The following ARHGAP23 variants were observed in gnomAD, a reference collection of about 807,000 sequenced individuals.
ARHGAP23 encodes the protein rho GTPase-activating protein 23.
A neutral mutation model predicts 136.3 loss-of-function variants in ARHGAP23; 34 were observed. That is an observed-to-expected ratio of 0.25 (90% CI 0.19 to 0.33). The LOEUF is 0.33. Among genes scored for constraint, ARHGAP23 ranks in the 10% least tolerant of loss-of-function variants. The probability of loss-of-function intolerance (pLI) is 1.00; values close to 1 mark genes in which losing one functional copy is unlikely to be tolerated. For missense variants in ARHGAP23, 1,808 were observed against 2,139.0 expected, an observed-to-expected ratio of 0.85 and a Z score of 3.05; for synonymous variants, 832 against 920.5, an observed-to-expected ratio of 0.90 and a Z score of 1.74.
intron 10 of ARHGAP23, 23 bp downstream of exon 10, chr17:38,469,927 C>G (rs376454137): frequency 1.3e-6 from 2 of 1,551,240 alleles, no homozygotes; most frequent in Non-Finnish European, 1.7e-6. Flanking sequence ...AGTGTGTGTG[C>G]GTGCGCAGGA....
chr17:38,512,239 T>C lies in ARHGAP23; in HGVS notation c.*1267T>C, dbSNP rs2040778208. 6.6e-6 allele frequency: 1 copy of C among 152,248 alleles called. No individual in the cohort carries two copies. The highest frequency in any genetic ancestry group is 2.4e-5 in the African/African-American group (1 of 41,468). 9.4% of individuals were successfully genotyped at this position (152,248 alleles called of 1,614,324 possible). A position where few individuals can be genotyped will look rare whatever the true frequency, so the allele number is the denominator to read the frequency against. On this transcript the variant is annotated 3_prime_UTR_variant, in exon 24 of 24. Transcript: ENST00000622683. ...ATTTACAAAAGTGTTGTAACAGTGT[T>C]GGACAAAGCCTTCCACCCCATGTCC...
At chr17:38,451,728 T>C (rs2039172221) in intron 1 of ARHGAP23, 7 of 152,280 alleles carry the variant, frequency 4.6e-5, no homozygotes, top group Admixed American at 1.3e-4. Context: ...ATCTTGATGG[T>C]GGTTCCAGCT....
At chr17:38,469,406 C>T in intron 8 of ARHGAP23, 107 bp downstream of exon 8, 1 of 1,467,586 alleles carries the variant, frequency 6.8e-7, no homozygotes, top group South Asian at 1.4e-5. Context: ...CTGGTTTCCG[C>T]TTCTCCTGCG....
intron 1 of ARHGAP23, among the ~76,000 whole-genome samples, chr17:38,432,200 C>A (rs1176631971): frequency 1.3e-5 from 2 of 152,184 alleles, no homozygotes; most frequent in Non-Finnish European, 2.9e-5. Flanking sequence ...ATAGTGCTTA[C>A]CACTATGTTG....
chr17:38,431,140 C>G lies in ARHGAP23; in HGVS notation c.63+2592C>G, dbSNP rs114541091. 2.7e-3 allele frequency among the ~76,000 whole-genome samples: 418 copies of G among 152,302 alleles called. 2 individuals are homozygous for G. Among genetic ancestry groups the G allele is most frequent in the African/African-American group, 9.7e-3 (403 of 41,562 alleles). On this transcript the variant is annotated intron_variant, in intron 1 of 23. Transcript: ENST00000622683. ...TCTGGCTTCTCAGGACCTGCTATGT[C>G]CCGCTGTCACTCCCACCCCAAATCC...
chr17:38,427,913 T>C (rs113767048), upstream of ARHGAP23, among the ~76,000 whole-genome samples: 3,571 of 152,250 alleles, frequency 0.023, 59 homozygotes, highest in Middle Eastern at 0.041. Context: ...GAAGGGGGCC[T>C]CTAAGCCTTT....
At chr17:38,476,333 A>G (rs1349881443) in intron 11 of ARHGAP23, among the ~76,000 whole-genome samples, 1 of 152,128 alleles carries the variant, frequency 6.6e-6, no homozygotes, top group Non-Finnish European at 1.5e-5. Flanking sequence ...TTGGAGGCAG[A>G]ATAGTTGTGA....
At chr17:38,472,298 G>A (rs1220969533) in intron 11 of ARHGAP23, among the ~76,000 whole-genome samples, 1 of 152,210 alleles carries the variant, frequency 6.6e-6, no homozygotes, top group Non-Finnish European at 1.5e-5. Flanking sequence ...CCATCCTGAA[G>A]ATGGCCGCTG....
chr17:38,500,947 G>A (rs2040505211), intron 23 of ARHGAP23: 1 of 362,738 alleles, frequency 2.8e-6, no homozygotes, highest in Admixed American at 4.4e-5. Flanking sequence ...CCATTTAGTA[G>A]TTTGGGACAT....
At chr17:38,450,397 C>CT (rs1261582839) in intron 1 of ARHGAP23, 1 of 152,092 alleles carries the variant, frequency 6.6e-6, no homozygotes, top group Non-Finnish European at 1.5e-5. Context: ...GCCTCAGTTT[C>CT]TTTTTTAAAT....
chr17:38,489,470 C>T (rs1489010278), intron 17 of ARHGAP23, among the ~76,000 whole-genome samples: 1 of 148,938 alleles, frequency 6.7e-6, no homozygotes, highest in African/African-American at 2.5e-5. Context: ...ATCCATATGG[C>T]CCGCTTCCCC....
At chr17:38,450,804 T>G (rs1280919488) in intron 1 of ARHGAP23, 1 of 152,236 alleles carries the variant, frequency 6.6e-6, no homozygotes, top group Non-Finnish European at 1.5e-5. Flanking sequence ...TGCTTTCAAA[T>G]GGTAAAAGAC....
At chr17:38,461,424 C>T (rs2039458333) in intron 3 of ARHGAP23, among the ~76,000 whole-genome samples, 1 of 152,218 alleles carries the variant, frequency 6.6e-6, no homozygotes, top group African/African-American at 2.4e-5. Context: ...TGCTGTGGCT[C>T]TTGCTCCCCA....
upstream of ARHGAP23, chr17:38,428,375 CGG>C (rs769359302): frequency 1.5e-3 from 479 of 322,972 alleles, 1 homozygote; most frequent in Middle Eastern, 0.017. Context: ...GGGCGGACCC[CGG>C]GGGGGGCCCC....
intron 23 of ARHGAP23, 79 bp from the exon 24 acceptor site, chr17:38,509,865 G>A: frequency 1.8e-6 from 2 of 1,115,692 alleles, no homozygotes; most frequent in Middle Eastern, 3.3e-4. Flanking sequence ...GCCGTGACGT[G>A]GGGGTGGACC....
chr17:38,509,749 C>G (rs1336769554), intron 23 of ARHGAP23, among the ~76,000 whole-genome samples, 195 bp from the exon 24 acceptor site: 1 of 152,146 alleles, frequency 6.6e-6, no homozygotes, highest in Non-Finnish European at 1.5e-5. Flanking sequence ...TAGATTTGGG[C>G]CAGCGGGGGT....
chr17:38,469,514 G>C lies in ARHGAP23; in HGVS notation c.1805-10G>C. ...GCTGACCCTGAGGCCCGATGTGGGC[G>C]GCTTTGCAGGCAGCATCAAGGCTGG... is the stretch of plus-strand genomic sequence containing the variant. On this transcript the variant is annotated splice_polypyrimidine_tract_variant and intron_variant, in intron 8 of 23. Transcript: ENST00000622683. 6.5e-7 allele frequency: 1 copy of C among 1,547,010 alleles called. No individual in the cohort carries two copies. Among genetic ancestry groups the C allele is most frequent in the Admixed American group, 2.0e-5 (1 of 50,890 alleles).
rs868241187 is a variant in ARHGAP23, at chr17:38,458,246, G to A, written c.208G>A (p.Val70Met). The change falls in exon 2 of 24, where the codon GTG (valine) becomes ATG (methionine). Residue 70 changes from valine (V) to methionine (M), a missense_variant. By Grantham distance (21) the Val-to-Met change is conservative. Coordinates refer to ENST00000622683, the MANE Select transcript of ARHGAP23 (RefSeq NM_001199417.2). The part of the protein sequence containing the change: ...HFIVYPPESA[V>M]HCSLKEEENG... ...CATCGTGTACCCACCCGAGTCGGCC[G>A]TGCACTGCAGCCTGAAGGTATGCCC... is the stretch of plus-strand genomic sequence containing the variant. The A allele has an allele frequency of 2.0e-6, 3 of 1,528,760 alleles. No homozygotes were observed. The highest frequency in any genetic ancestry group is 2.5e-5 in the East Asian group (1 of 40,740). 94.7% of individuals were successfully genotyped at this position (1,528,760 alleles called of 1,614,324 possible).
At chr17:38,488,841 GC>G (rs71368501) in intron 17 of ARHGAP23, among the ~76,000 whole-genome samples, 5 of 151,838 alleles carry the variant, frequency 3.3e-5, no homozygotes, top group Non-Finnish European at 7.4e-5. Flanking sequence ...GAGCCACCGC[GC>G]CCTGCCTAAC....
Sources: allele counts gnomAD v4.1 joint callset (sites outside exome capture counted in the v4.1 genomes callset), GRCh38; gene constraint gnomAD v4.1.1; transcripts MANE v1.5; gene names NCBI Gene and HGNC (gene_info 2026-07-23, HGNC 2026-07-21).